SPOCK1: variants seen among roughly 807,000 people sequenced by gnomAD.
SPOCK1 encodes the protein testican-1.
A neutral mutation model predicts 55.3 loss-of-function variants in SPOCK1; 23 were observed. That is an observed-to-expected ratio of 0.42 (90% CI 0.30 to 0.59). SPOCK1 has a LOEUF of 0.59. Among genes scored for constraint, SPOCK1 ranks in the 20% least tolerant of loss-of-function variants. The pLI, the probability that SPOCK1 is intolerant of heterozygous loss-of-function variation, is 0.22. For synonymous variants in SPOCK1, 226 were observed against 221.0 expected (o/e 1.02, Z -0.20); for missense variants, 499 against 552.5 (o/e 0.90, Z 0.97).
intron 5 of SPOCK1, among the ~76,000 whole-genome samples, chr5:137,086,196 C>T (rs930345562): frequency 6.6e-6 from 1 of 152,122 alleles, no homozygotes; most frequent in Non-Finnish European, 1.5e-5. Context: ...TTCCTTCTAC[C>T]CCTCCCTGCA....
intron 3 of SPOCK1, among the ~76,000 whole-genome samples, chr5:137,195,217 T>C (rs532603169): frequency 8.5e-5 from 13 of 152,344 alleles, no homozygotes; most frequent in Middle Eastern, 3.4e-3. Flanking sequence ...CCAACATATG[T>C]AGACAGGTTT....
At chr5:137,325,812 G>A (rs1364337493) in intron 2 of SPOCK1, among the ~76,000 whole-genome samples, 1 of 152,216 alleles carries the variant, frequency 6.6e-6, no homozygotes, top group Non-Finnish European at 1.5e-5. Flanking sequence ...TTTACACGGG[G>A]CAACCAGCTA....
chr5:137,409,938 T>G (rs1561528127), intron 2 of SPOCK1, among the ~76,000 whole-genome samples: 1 of 152,216 alleles, frequency 6.6e-6, no homozygotes, highest in Non-Finnish European at 1.5e-5. Context: ...CTCCTATGCT[T>G]CAGGCCAGGG....
At chr5:137,280,657 C>T (rs1231064522) in intron 2 of SPOCK1, among the ~76,000 whole-genome samples, 3 of 152,168 alleles carry the variant, frequency 2.0e-5, no homozygotes, top group South Asian at 2.1e-4. Flanking sequence ...TCTCATGATG[C>T]CCAGAACTAC....
intron 5 of SPOCK1, among the ~76,000 whole-genome samples, chr5:137,102,857 G>A (rs1753295776): frequency 6.6e-6 from 1 of 152,138 alleles, no homozygotes; most frequent in Non-Finnish European, 1.5e-5. Flanking sequence ...GCAGCACTTA[G>A]CACAATGTGA....
chr5:137,090,987 A>G (rs751040263), intron 5 of SPOCK1, among the ~76,000 whole-genome samples: 47 of 152,108 alleles, frequency 3.1e-4, no homozygotes, highest in Non-Finnish European at 5.0e-4. Context: ...AGGACCCAGG[A>G]AAAAAAGGTA....
chr5:137,200,197 C>A (rs1755399903), intron 3 of SPOCK1, among the ~76,000 whole-genome samples: 3 of 152,210 alleles, frequency 2.0e-5, no homozygotes, highest in African/African-American at 7.2e-5. Flanking sequence ...CACCAGATGT[C>A]CCTGTGATTC....
chr5:137,458,471 C>T (rs1054106122), intron 2 of SPOCK1, among the ~76,000 whole-genome samples: 7 of 152,236 alleles, frequency 4.6e-5, no homozygotes, highest in Admixed American at 1.3e-4. Context: ...CATCTTTAGC[C>T]CCTAGATGCC....
At chr5:137,129,259 G>A (rs1753831048) in intron 4 of SPOCK1, among the ~76,000 whole-genome samples, 1 of 152,010 alleles carries the variant, frequency 6.6e-6, no homozygotes, top group African/African-American at 2.4e-5. Context: ...CCGACATAGG[G>A]CCTTTGCAGA....
intron 2 of SPOCK1, among the ~76,000 whole-genome samples, chr5:137,290,907 C>T (rs1237573072): frequency 1.3e-5 from 2 of 152,218 alleles, no homozygotes; most frequent in African/African-American, 4.8e-5. Flanking sequence ...TAGTAATTAA[C>T]ATATTGATCG....
intron 4 of SPOCK1, among the ~76,000 whole-genome samples, chr5:137,115,161 T>C (rs1753552955): frequency 6.6e-6 from 1 of 152,166 alleles, no homozygotes; most frequent in South Asian, 2.1e-4. Flanking sequence ...ACGCTAAAGA[T>C]ATCCCTGTAG....
intron 5 of SPOCK1, among the ~76,000 whole-genome samples, chr5:137,071,098 C>A (rs1270696778): frequency 6.7e-6 from 1 of 150,174 alleles, no homozygotes; most frequent in African/African-American, 2.5e-5. Context: ...TCATAGCTCA[C>A]TGCAGTCTTG....
At chr5:137,263,614 C>T (rs1756793689) in intron 3 of SPOCK1, among the ~76,000 whole-genome samples, 1 of 152,210 alleles carries the variant, frequency 6.6e-6, no homozygotes, top group African/African-American at 2.4e-5. Context: ...TCTCTCTGCA[C>T]AGTGTCTTTC....
In SPOCK1 at chr5:137,117,812, G is replaced by T. The variant is rs1208559617; in HGVS notation, c.348-5251C>A. On this transcript the variant is annotated intron_variant, in intron 4 of 10. Coordinates refer to ENST00000394945, the MANE Select transcript of SPOCK1 (RefSeq NM_004598.4). ...CTCCCCTGTGCATCAGCGGGCTAAG[G>T]ATTCCCATACTCTAGAAGTCAGACA... Among the ~76,000 whole-genome samples the T allele has an allele frequency of 6.6e-5, 10 of 152,254 alleles. No individual in the cohort carries two copies. The South Asian group carries it at 2.1e-3, about 32-fold the overall frequency.
intron 3 of SPOCK1, among the ~76,000 whole-genome samples, chr5:137,189,138 A>C (rs1003399380): frequency 7.9e-5 from 12 of 152,272 alleles, no homozygotes; most frequent in Non-Finnish European, 1.6e-4. Context: ...TGCAAGGTGA[A>C]GCAACAAGTG....
chr5:137,237,639 T>C (rs1756204804), intron 3 of SPOCK1, among the ~76,000 whole-genome samples: 1 of 152,258 alleles, frequency 6.6e-6, no homozygotes, highest in African/African-American at 2.4e-5. Flanking sequence ...GAAGAAAGAA[T>C]ATTTTGCCCT....
chr5:136,987,720 C>A (rs1008667536), intron 8 of SPOCK1, among the ~76,000 whole-genome samples: 2 of 151,748 alleles, frequency 1.3e-5, no homozygotes, highest in Non-Finnish European at 2.9e-5. Flanking sequence ...ACCAGCTATG[C>A]CTGTAGTTGT....
At chr5:137,173,114 G>A (rs972237773) in intron 3 of SPOCK1, among the ~76,000 whole-genome samples, 14 of 152,264 alleles carry the variant, frequency 9.2e-5, no homozygotes, top group Admixed American at 6.5e-4. Context: ...CATCTCATAA[G>A]TGAAGGTACC....
chr5:137,341,794 TG>T (rs1251631955), intron 2 of SPOCK1, among the ~76,000 whole-genome samples: 1 of 152,236 alleles, frequency 6.6e-6, no homozygotes, highest in Non-Finnish European at 1.5e-5. Context: ...TACAACGATG[TG>T]GGTAACAGCT....
Sources: allele counts gnomAD v4.1 joint callset (sites outside exome capture counted in the v4.1 genomes callset), GRCh38; gene constraint gnomAD v4.1.1; transcripts MANE v1.5; gene names NCBI Gene and HGNC (gene_info 2026-07-23, HGNC 2026-07-21).